KIAA1549L: variants seen among roughly 807,000 people sequenced by gnomAD.
KIAA1549L encodes the protein UPF0606 protein KIAA1549L.
Under a neutral mutation model 160.7 loss-of-function variants are expected in KIAA1549L, and 88 were observed. The observed-to-expected ratio is 0.55, with a 90% CI of 0.46 to 0.65. KIAA1549L has a LOEUF of 0.65. Ranked by LOEUF, KIAA1549L falls within the 30% of genes least tolerant of loss-of-function variation. KIAA1549L has a pLI of 0.00. For synonymous variants in KIAA1549L, 950 were observed against 976.7 expected (o/e 0.97, Z 0.51); for missense variants, 2,258 against 2,437.5 (o/e 0.93, Z 1.55).
intron 6 of KIAA1549L, among the ~76,000 whole-genome samples, chr11:33,555,503 C>A (rs1000357854): frequency 1.3e-5 from 2 of 152,168 alleles, no homozygotes; most frequent in African/African-American, 4.8e-5. Flanking sequence ...CAGAAATAAA[C>A]CCTCTTGTAT....
At chr11:33,407,080 C>CCTT (rs1491483483) in intron 1 of KIAA1549L, among the ~76,000 whole-genome samples, 1 of 79,578 alleles carries the variant, frequency 1.3e-5, no homozygotes, top group African/African-American at 5.5e-5. Flanking sequence ...TTTCTTTTTT[C>CCTT]ATTTTTTTTT....
chr11:33,550,518 T>C (rs1313301465), intron 4 of KIAA1549L, among the ~76,000 whole-genome samples: 1 of 152,196 alleles, frequency 6.6e-6, no homozygotes, highest in Non-Finnish European at 1.5e-5. Flanking sequence ...TGCCTTGGTC[T>C]TGAACCAATT....
In KIAA1549L at chr11:33,542,091, C is replaced by T. The variant is rs754065845; in HGVS notation, c.528C>T (p.Thr176=). 9 of 488,634 alleles carry T rather than the reference C, an allele frequency of 1.8e-5. No homozygotes were observed. Among genetic ancestry groups the T allele is most frequent in the African/African-American group, 3.9e-5 (2 of 51,336 alleles). The allele number at this position is 488,634 out of a possible 1,614,324, so 30.3% of individuals were successfully genotyped here. ...CCCTCGAACCTTCCAAGGATTCTAC[C>T]GAGTCCCTGGTCCAACCGGGGCCTA... ...SASLEPSKDS[T]ESLVQPGPKG... is the part of the protein sequence containing the mutation. Residue 176 remains threonine (T), a synonymous_variant, in exon 2 of 21, where the codon ACC becomes ACT. Coordinates refer to ENST00000658780, the MANE Select transcript of KIAA1549L (RefSeq NM_012194.3).
chr11:33,616,989 A>C (rs1850828333), intron 15 of KIAA1549L, among the ~76,000 whole-genome samples: 1 of 152,052 alleles, frequency 6.6e-6, no homozygotes, highest in Non-Finnish European at 1.5e-5. Flanking sequence ...AATTACAAAA[A>C]AATTAGCCTA....
chr11:33,477,132 A>G (rs1852302893), intron 1 of KIAA1549L, among the ~76,000 whole-genome samples: 1 of 152,194 alleles, frequency 6.6e-6, no homozygotes, highest in African/African-American at 2.4e-5. Flanking sequence ...GAAGGTTGTT[A>G]TTCAGTAGTA....
intron 1 of KIAA1549L, among the ~76,000 whole-genome samples, chr11:33,456,843 C>T (rs1851833862): frequency 6.6e-6 from 1 of 152,248 alleles, no homozygotes; most frequent in African/African-American, 2.4e-5. Flanking sequence ...CAATCTAACA[C>T]ACTTGTCCAA....
intron 1 of KIAA1549L, among the ~76,000 whole-genome samples, chr11:33,495,133 A>G (rs575075876): frequency 1.3e-3 from 202 of 151,664 alleles, no homozygotes; most frequent in Non-Finnish European, 2.0e-3. Context: ...ATTTTTATTT[A>G]TTATTATTAT....
chr11:33,517,793 C>T (rs956481500), intron 1 of KIAA1549L, among the ~76,000 whole-genome samples: 9 of 152,050 alleles, frequency 5.9e-5, no homozygotes, highest in African/African-American at 2.2e-4. Context: ...AGGGCTCAGG[C>T]TCTTCTTCAG....
At chr11:33,437,247 A>T (rs1326399893) in intron 1 of KIAA1549L, among the ~76,000 whole-genome samples, 1 of 152,212 alleles carries the variant, frequency 6.6e-6, no homozygotes, top group Non-Finnish European at 1.5e-5. Flanking sequence ...TTAGCTTGAC[A>T]AAGTGGCTTT....
chr11:33,435,844 G>GTATA (rs1213736288), intron 1 of KIAA1549L, among the ~76,000 whole-genome samples: 9,203 of 22,948 alleles, frequency 0.4, 1,830 homozygotes, highest in African/African-American at 0.51. Flanking sequence ...ATATGTATAT[G>GTATA]TGTGTGTGTG....
intron 1 of KIAA1549L, among the ~76,000 whole-genome samples, chr11:33,392,902 A>G (rs1186841197): frequency 1.3e-5 from 2 of 152,122 alleles, no homozygotes; most frequent in African/African-American, 4.8e-5. Flanking sequence ...TAATTCTGAC[A>G]ATTTTCTGTC....
chr11:33,549,513 T>G (rs966199716), intron 4 of KIAA1549L, among the ~76,000 whole-genome samples: 34 of 152,236 alleles, frequency 2.2e-4, no homozygotes, highest in African/African-American at 8.2e-4. Flanking sequence ...TGTTGTCTTG[T>G]GCTGTGTCCA....
chr11:33,563,204 C>T (rs993843388), intron 8 of KIAA1549L, among the ~76,000 whole-genome samples: 10 of 151,730 alleles, frequency 6.6e-5, no homozygotes, highest in Non-Finnish European at 2.9e-5. Flanking sequence ...AAAAAATTAG[C>T]CTGGCCTGGT....
chr11:33,383,917 C>G (rs1356623171), intron 1 of KIAA1549L, among the ~76,000 whole-genome samples: 1 of 152,146 alleles, frequency 6.6e-6, no homozygotes, highest in Non-Finnish European at 1.5e-5. Context: ...TCATGCAGTA[C>G]AAAGAGAACA....
At chr11:33,396,492 T>C (rs989983781) in intron 1 of KIAA1549L, among the ~76,000 whole-genome samples, 2 of 152,172 alleles carry the variant, frequency 1.3e-5, no homozygotes, top group Non-Finnish European at 2.9e-5. Context: ...AAGGAGGACC[T>C]TGAATAGAGG....
chr11:33,571,758 T>C (rs1251432308), intron 9 of KIAA1549L, among the ~76,000 whole-genome samples: 1 of 152,080 alleles, frequency 6.6e-6, no homozygotes, highest in Non-Finnish European at 1.5e-5. Context: ...GATTACACAA[T>C]TCAACATGAG....
intron 1 of KIAA1549L, among the ~76,000 whole-genome samples, chr11:33,515,062 A>G (rs1355074408): frequency 6.6e-6 from 1 of 152,164 alleles, no homozygotes; most frequent in African/African-American, 2.4e-5. Context: ...TGCTATGTCC[A>G]TAGAAATTGG....
intron 16 of KIAA1549L, among the ~76,000 whole-genome samples, chr11:33,634,633 A>G (rs10836086): frequency 0.031 from 4,761 of 152,314 alleles, 129 homozygotes; most frequent in African/African-American, 0.068. Flanking sequence ...GACTTCTGTT[A>G]CACGGGGAAG....
intron 1 of KIAA1549L, among the ~76,000 whole-genome samples, chr11:33,410,012 C>A (rs1850756028): frequency 6.6e-6 from 1 of 151,972 alleles, no homozygotes; most frequent in Non-Finnish European, 1.5e-5. Flanking sequence ...GTTATCACTG[C>A]CTTACTTTCT....
Sources: gnomAD v4.1 joint callset for allele counts (sites outside exome capture counted in the v4.1 genomes callset) on GRCh38, gnomAD v4.1.1 for gene constraint, MANE v1.5 for transcripts, NCBI Gene and HGNC (gene_info 2026-07-23, HGNC 2026-07-21) for gene names.